The following SLC16A9 variants were observed in gnomAD, a reference collection of about 807,000 sequenced individuals.
SLC16A9 encodes monocarboxylate transporter 9.
A neutral mutation model predicts 44.3 loss-of-function variants in SLC16A9; 26 were observed. That is an observed-to-expected ratio of 0.59 (90% CI 0.43 to 0.81). The LOEUF (loss-of-function observed/expected upper bound fraction) is 0.81, where lower values mean the gene tolerates loss of function less well. Among genes scored for constraint, SLC16A9 ranks in the 40% least tolerant of loss-of-function variants. SLC16A9 has a pLI of 0.00. For missense variants in SLC16A9, 559 were observed against 595.8 expected, an observed-to-expected ratio of 0.94 and a Z score of 0.64; for synonymous variants, 230 against 225.1, an observed-to-expected ratio of 1.02 and a Z score of -0.19.
At chr10:59,702,866 C>T (rs1304659812) in intron 1 of SLC16A9, among the ~76,000 whole-genome samples, 1 of 152,148 alleles carries the variant, frequency 6.6e-6, no homozygotes, top group Non-Finnish European at 1.5e-5. Flanking sequence ...CCCCAGATAG[C>T]TCTGTTAAGG....
intron 3 of SLC16A9, among the ~76,000 whole-genome samples, chr10:59,670,465 G>T (rs1017585451): frequency 3.3e-5 from 5 of 152,164 alleles, no homozygotes; most frequent in African/African-American, 1.2e-4. Flanking sequence ...TACAAAACAT[G>T]TTTACAGTCA....
At position 59,684,166 on chromosome 10, in the gene SLC16A9, A is replaced by G. The variant is rs1454112645; in HGVS notation, c.126T>C (p.Asp42=). 6.2e-7 allele frequency: 1 copy of G among 1,614,136 alleles called. No individual in the cohort carries two copies. The highest frequency in any genetic ancestry group is 2.2e-5 in the East Asian group (1 of 44,862). The part of the protein sequence containing the change: ...AVGVLYIEWL[D]AFGEGKGKTA... ...TTTTTCCTTTTCCTTCACCAAAGGCATCCAGCCATTCTATGTACAGGACTC... is the reference window on the plus strand; with the variant it reads ...TTTTTCCTTTTCCTTCACCAAAGGCGTCCAGCCATTCTATGTACAGGACTC... The change falls in exon 2 of 6, where the codon GAT becomes GAC. Residue 42 remains aspartate (D), a synonymous_variant. Coordinates refer to ENST00000395348, the MANE Select transcript of SLC16A9 (RefSeq NM_194298.3).
chr10:59,676,922 C>CA (rs35816952), intron 2 of SLC16A9, among the ~76,000 whole-genome samples: 11,518 of 104,700 alleles, frequency 0.11, 894 homozygotes, highest in African/African-American at 0.24. Context: ...ACTCTTGTCT[C>CA]AAAAAAAAAA....
chr10:59,653,770 G>A lies in SLC16A9; in HGVS notation c.1256C>T (p.Thr419Ile). The change falls in exon 5 of 6, where the codon ACC becomes ATC. Residue 419 changes from threonine to isoleucine, a missense_variant. Coordinates refer to ENST00000395348, the MANE Select transcript of SLC16A9 (RefSeq NM_194298.3). ...TTTTTCAATTCCCACAGTCTTCGTG[G>A]TCACATATGGAAAGATGGACCAATT... ...TGNWSIFPYV[T>I]TKTVGIEKLA... The A allele has an allele frequency of 3.1e-6, 5 of 1,614,070 alleles. No individual in the cohort carries two copies. Among genetic ancestry groups the A allele is most frequent in the Non-Finnish European group, 4.2e-6 (5 of 1,180,004 alleles).
At chr10:59,703,444 C>T (rs190140699) in intron 1 of SLC16A9, among the ~76,000 whole-genome samples, 8 of 152,254 alleles carry the variant, frequency 5.3e-5, no homozygotes, top group East Asian at 1.9e-4. Context: ...TTTTAATCTT[C>T]GAGGCCTTGT....
intron 4 of SLC16A9, among the ~76,000 whole-genome samples, chr10:59,663,347 G>T (rs1839526440): frequency 1.3e-5 from 2 of 151,850 alleles, no homozygotes. Context: ...GGCAACAAGA[G>T]CGCAACTCTG....
chr10:59,666,912 G>T (rs1187157082), intron 3 of SLC16A9, among the ~76,000 whole-genome samples: 2 of 145,284 alleles, frequency 1.4e-5, no homozygotes, highest in Admixed American at 6.9e-5. Context: ...TGGAAAACTT[G>T]TATCTGTCAC....
intron 4 of SLC16A9, among the ~76,000 whole-genome samples, chr10:59,660,974 CA>C (rs749935615): frequency 6.6e-6 from 1 of 152,128 alleles, no homozygotes; most frequent in Non-Finnish European, 1.5e-5. Flanking sequence ...TAAAAACTCT[CA>C]ATAACCTAGG....
chr10:59,674,037 C>T (rs1186015675), intron 2 of SLC16A9, among the ~76,000 whole-genome samples: 1 of 152,152 alleles, frequency 6.6e-6, no homozygotes, highest in Non-Finnish European at 1.5e-5. Flanking sequence ...GAGTTATAAT[C>T]AGAAGAGCGC....
chr10:59,682,196 A>T (rs143138973), intron 2 of SLC16A9, among the ~76,000 whole-genome samples: 1 of 152,216 alleles, frequency 6.6e-6, no homozygotes, highest in East Asian at 1.9e-4. Context: ...GGTCCCTACA[A>T]GCAGGGCTGG....
chr10:59,667,435 G>A (rs1292015009), intron 3 of SLC16A9, among the ~76,000 whole-genome samples: 1 of 152,060 alleles, frequency 6.6e-6, no homozygotes, highest in African/African-American at 2.4e-5. Context: ...GTAAGACAAT[G>A]GCACTCTTCT....
chr10:59,658,831 A>G (rs1331450007), intron 4 of SLC16A9, among the ~76,000 whole-genome samples: 1 of 152,172 alleles, frequency 6.6e-6, no homozygotes, highest in Admixed American at 6.6e-5. Flanking sequence ...GGGGAAATAT[A>G]CAGCTGGATT....
At position 59,690,202 on chromosome 10, in the gene SLC16A9, GAAGA is replaced by G. The variant is rs367708746; in HGVS notation, c.-36-5879_-36-5876del. Among the ~76,000 whole-genome samples the G allele has an allele frequency of 4.0e-3, 605 of 152,244 alleles. 4 individuals carry two copies. Among genetic ancestry groups the G allele is most frequent in the African/African-American group, 0.014 (566 of 41,550 alleles). On this transcript the variant is annotated intron_variant, in intron 1 of 5. Transcript: ENST00000395348. ...GATGCTGTCTCAAAAAGAAAAAAAA[GAAGA>G]AAGTGGTCTTTATTCAAAATGTTCT... is the stretch of plus-strand genomic sequence containing the variant.
Position 59,651,172 on chromosome 10 carries a change from T to G in SLC16A9, c.*1600A>C, listed in dbSNP as rs1839189348. The G allele has an allele frequency of 6.6e-6, 1 of 152,158 alleles. No homozygotes were observed. Among genetic ancestry groups the G allele is most frequent in the South Asian group, 2.1e-4 (1 of 4,832 alleles). The allele number at this position is 152,158 out of a possible 1,614,324, so 9.4% of individuals were successfully genotyped here. A position where few individuals can be genotyped will look rare whatever the true frequency, so the allele number is the denominator to read the frequency against. On this transcript the variant is annotated 3_prime_UTR_variant, in exon 6 of 6. Coordinates refer to ENST00000395348, the MANE Select transcript of SLC16A9 (RefSeq NM_194298.3). ...TTCTCCATATTCCAGGTTTACTACA[T>G]AGAAAAGTACTATTTACCTACCTCA...
intron 1 of SLC16A9, among the ~76,000 whole-genome samples, chr10:59,694,820 A>ATATATATATATATATATATATATG (rs1554874056): frequency 9.0e-6 from 1 of 111,270 alleles, no homozygotes; most frequent in Non-Finnish European, 2.1e-5. Context: ...ATATATATAC[A>ATATATATATATATATATATATATG]CACACACACA....
chr10:59,695,745 A>G (rs1214401365), intron 1 of SLC16A9, among the ~76,000 whole-genome samples: 1 of 152,224 alleles, frequency 6.6e-6, no homozygotes, highest in African/African-American at 2.4e-5. Context: ...AGGTGCAGGA[A>G]TGCCTAAATA....
intron 2 of SLC16A9, among the ~76,000 whole-genome samples, chr10:59,683,273 A>G (rs1390921972): frequency 6.6e-6 from 1 of 152,220 alleles, no homozygotes; most frequent in Non-Finnish European, 1.5e-5. Context: ...ATGTTGGAAT[A>G]ATGGTCACTA....
rs557147943 is a variant in SLC16A9, at chr10:59,656,923, A to C, written c.437-2334T>G. ...ATTATTACAAAGAGAGAAAATATTA[A>C]ATGGCGTTCAGGGAACACGAAGCAG... On this transcript the variant is annotated intron_variant, in intron 4 of 5. Coordinates refer to ENST00000395348, the MANE Select transcript of SLC16A9 (RefSeq NM_194298.3). Among the ~76,000 whole-genome samples the C allele has an allele frequency of 1.9e-3, 295 of 152,336 alleles. 1 individual carries two copies. Among genetic ancestry groups the C allele is most frequent in the African/African-American group, 6.3e-3 (263 of 41,568 alleles).
At chr10:59,689,148 C>T (rs535053470) in intron 1 of SLC16A9, among the ~76,000 whole-genome samples, 4 of 152,146 alleles carry the variant, frequency 2.6e-5, no homozygotes, top group Non-Finnish European at 5.9e-5. Context: ...GATCTGTCAT[C>T]ATCTCAGAGT....
Sources: allele counts gnomAD v4.1 joint callset (sites outside exome capture counted in the v4.1 genomes callset), GRCh38; gene constraint gnomAD v4.1.1; transcripts MANE v1.5; gene names NCBI Gene and HGNC (gene_info 2026-07-23, HGNC 2026-07-21).